The following TSNARE1 variants were observed in gnomAD, a reference collection of about 807,000 sequenced individuals.
The protein encoded by TSNARE1 is t-SNARE domain containing 1, also known as t-SNARE domain-containing protein 1.
In TSNARE1, 49 loss-of-function variants were observed where a neutral mutation model predicts 62.0. The ratio of observed to expected loss-of-function variants is 0.79; its 90% CI spans 0.63 to 1.00. The LOEUF is 1.00. Among genes scored for constraint, TSNARE1 ranks in the 50% least tolerant of loss-of-function variants. The pLI, the probability that TSNARE1 is intolerant of heterozygous loss-of-function variation, is 0.00. For synonymous variants in TSNARE1, 328 were observed against 294.4 expected, an observed-to-expected ratio of 1.11 and a Z score of -1.17; for missense variants, 755 against 700.1, an observed-to-expected ratio of 1.08 and a Z score of -0.88.
At chr8:142,316,447 T>C (rs1828537501) in intron 7 of TSNARE1, among the ~76,000 whole-genome samples, 1 of 151,794 alleles carries the variant, frequency 6.6e-6, no homozygotes, top group Non-Finnish European at 1.5e-5. Context: ...CTGCCTCTGT[T>C]ACAGTTTTTT....
intron 10 of TSNARE1, among the ~76,000 whole-genome samples, chr8:142,297,709 G>A (rs1203662260): frequency 2.0e-5 from 3 of 152,244 alleles, no homozygotes; most frequent in African/African-American, 4.8e-5. Flanking sequence ...TGGCACGTGC[G>A]ACCTCCGCTG....
intron 11 of TSNARE1, chr8:142,276,183 G>GCCAAAGC (rs756610703): frequency 8.1e-6 from 8 of 985,338 alleles, no homozygotes; most frequent in Non-Finnish European, 9.6e-6. Context: ...TGCACAAGGA[G>GCCAAAGC]CCAAAGCCCA....
chr8:142,353,441 G>A lies in TSNARE1; in HGVS notation c.88+1196C>T, dbSNP rs1262776217. Among the ~76,000 whole-genome samples the A allele has an allele frequency of 2.6e-5, 4 of 152,204 alleles. No individual in the cohort carries two copies. In the East Asian group the frequency reaches 7.7e-4, roughly 29 times the overall value. ...GGCACTCCCAGTGGGCAGGAAGGAT[G>A]AGGGCATCCTAGAGGACCTGGCCTG... On this transcript the variant is annotated intron_variant, in intron 2 of 13. Coordinates refer to ENST00000524325, the MANE Select transcript of TSNARE1 (RefSeq NM_145003.5).
intron 12 of TSNARE1, among the ~76,000 whole-genome samples, chr8:142,252,547 C>T (rs73364672): frequency 0.011 from 1,682 of 152,330 alleles, 29 homozygotes; most frequent in African/African-American, 0.033. Context: ...TGCATGGTGT[C>T]GCTCAATCTT....
intron 13 of TSNARE1, among the ~76,000 whole-genome samples, chr8:142,223,480 C>T (rs796617847): frequency 3.6e-5 from 5 of 139,992 alleles, no homozygotes; most frequent in Non-Finnish European, 7.7e-5. Context: ...ACTAACTCAT[C>T]CACTCACTCA....
rs373257927 is a variant in TSNARE1, at chr8:142,353,431, C to A, written c.88+1206G>T. ...AGGCCAGCCCGGCACTCCCAGTGGGCAGGAAGGATGAGGGCATCCTAGAGG... is the reference window on the plus strand; with the variant it reads ...AGGCCAGCCCGGCACTCCCAGTGGGAAGGAAGGATGAGGGCATCCTAGAGG... On this transcript the variant is annotated intron_variant, in intron 2 of 13. Coordinates refer to ENST00000524325, the MANE Select transcript of TSNARE1 (RefSeq NM_145003.5). 3.2e-3 allele frequency among the ~76,000 whole-genome samples: 488 copies of A among 152,286 alleles called. 3 individuals are homozygous for A. The highest frequency in any genetic ancestry group is 0.011 in the African/African-American group (446 of 41,562).
intron 12 of TSNARE1, chr8:142,274,055 C>A (rs1316180441): frequency 1.0e-6 from 1 of 985,240 alleles, no homozygotes; most frequent in Admixed American, 6.2e-5. Context: ...TGCGCTCCCA[C>A]CGTGGCCCAT....
At chr8:142,256,575 T>TCAC (rs201186713) in intron 12 of TSNARE1, among the ~76,000 whole-genome samples, 2 of 123,424 alleles carry the variant, frequency 1.6e-5, no homozygotes, top group Non-Finnish European at 1.8e-5. Flanking sequence ...ACCATCACCA[T>TCAC]CATCACCACC....
Position 142,283,306 on chromosome 8 carries a change from G to A in TSNARE1, c.1363+1107C>T, listed in dbSNP as rs551878643. Among the ~76,000 whole-genome samples the A allele has an allele frequency of 6.1e-4, 92 of 151,336 alleles. No homozygotes were observed. The East Asian group carries it at 8.5e-3, about 14-fold the overall frequency. ...CCAGTGTCTGCCAATGAGCAGAGGCGGGGCCAGTGTCTGCCAATGAGCAGA... is the reference window on the plus strand; with the variant it reads ...CCAGTGTCTGCCAATGAGCAGAGGCAGGGCCAGTGTCTGCCAATGAGCAGA... On this transcript the variant is annotated intron_variant, in intron 11 of 13. Coordinates refer to ENST00000524325, the MANE Select transcript of TSNARE1 (RefSeq NM_145003.5).
intron 9 of TSNARE1, among the ~76,000 whole-genome samples, chr8:142,307,980 A>C (rs1269554031): frequency 1.3e-5 from 2 of 152,168 alleles, no homozygotes; most frequent in African/African-American, 4.8e-5. Context: ...TTTTCTGATA[A>C]CTCGTGTTGC....
At chr8:142,329,552 G>C (rs1029621126) in intron 6 of TSNARE1, among the ~76,000 whole-genome samples, 4 of 152,204 alleles carry the variant, frequency 2.6e-5, no homozygotes, top group East Asian at 1.9e-4. Flanking sequence ...AGAGACGGGA[G>C]AGCCACAGAC....
At chr8:142,309,839 T>C (rs1399254415) in intron 9 of TSNARE1, among the ~76,000 whole-genome samples, 2 of 152,188 alleles carry the variant, frequency 1.3e-5, no homozygotes, top group Non-Finnish European at 2.9e-5. Flanking sequence ...TGCTCAAATA[T>C]GGGACTGAAT....
intron 10 of TSNARE1, among the ~76,000 whole-genome samples, chr8:142,292,584 G>T (rs1823985231): frequency 6.6e-6 from 1 of 152,164 alleles, no homozygotes; most frequent in Admixed American, 6.5e-5. Context: ...ACCCCAGGAG[G>T]CTGTCGATGA....
chr8:142,282,982 AAGGCGGGGTCAGTGTCTGCCAATGAGCAG>A (rs1313167234), intron 11 of TSNARE1, among the ~76,000 whole-genome samples: 6 of 105,458 alleles, frequency 5.7e-5, no homozygotes, highest in South Asian at 3.6e-4. Context: ...TCTAAGGGCA[AAGGCGGGGTCAGTGTCTGCCAATGAGCAG>A]AGGCGGGGTC....
At chr8:142,320,389 C>T (rs1208152259) in intron 6 of TSNARE1, among the ~76,000 whole-genome samples, 1 of 151,080 alleles carries the variant, frequency 6.6e-6, no homozygotes, top group Non-Finnish European at 1.5e-5. Flanking sequence ...CCCTCCTGCA[C>T]CTGCAACTTC....
At chr8:142,306,834 G>A (rs970134890) in intron 9 of TSNARE1, among the ~76,000 whole-genome samples, 1 of 152,208 alleles carries the variant, frequency 6.6e-6, no homozygotes, top group Admixed American at 6.5e-5. Context: ...TCTACCGAAA[G>A]GCAATACATC....
chr8:142,311,272 C>A (rs1827536001), intron 9 of TSNARE1, among the ~76,000 whole-genome samples: 1 of 140,040 alleles, frequency 7.1e-6, no homozygotes, highest in African/African-American at 2.8e-5. Context: ...AAGCGATTCT[C>A]CTGCCTCAGC....
At chr8:142,343,906 C>A (rs1417185455) in intron 4 of TSNARE1, 60 bp downstream of exon 4, 1 of 1,385,294 alleles carries the variant, frequency 7.2e-7, no homozygotes, top group South Asian at 1.7e-5. Flanking sequence ...CCAAGATGGG[C>A]CCCCCCCTCC....
intron 4 of TSNARE1, among the ~76,000 whole-genome samples, chr8:142,335,497 G>A (rs1831634100): frequency 6.6e-6 from 1 of 151,968 alleles, no homozygotes; most frequent in Admixed American, 6.6e-5. Flanking sequence ...GATCTATGCT[G>A]TAAACTCTAA....
Sources: allele counts gnomAD v4.1 joint callset (sites outside exome capture counted in the v4.1 genomes callset), GRCh38; gene constraint gnomAD v4.1.1; transcripts MANE v1.5; gene names NCBI Gene and HGNC (gene_info 2026-07-23, HGNC 2026-07-21).